Variants in CACNA2D2 observed in about 807,000 individuals in gnomAD.
The protein encoded by CACNA2D2 is calcium voltage-gated channel auxiliary subunit alpha2delta 2, also known as voltage-dependent calcium channel subunit alpha-2/delta-2.
In CACNA2D2, 48 loss-of-function variants were observed where a neutral mutation model predicts 166.4. The ratio of observed to expected loss-of-function variants is 0.29; its 90% CI spans 0.23 to 0.37. The LOEUF is 0.37. CACNA2D2 is among the 10% of genes least tolerant of loss of function. The pLI is 1.00. For synonymous variants in CACNA2D2, 561 were observed against 573.7 expected, an observed-to-expected ratio of 0.98 and a Z score of 0.32; for missense variants, 1,122 against 1,433.0, an observed-to-expected ratio of 0.78 and a Z score of 3.50.
At chr3:50,439,866 G>A (rs776895267) in intron 2 of CACNA2D2, among the ~76,000 whole-genome samples, 3 of 152,220 alleles carry the variant, frequency 2.0e-5, no homozygotes, top group African/African-American at 7.2e-5. Context: ...GTAGTGACCA[G>A]TTCAAGGACC....
chr3:50,371,259 G>C lies in CACNA2D2; in HGVS notation c.1985-879C>G, dbSNP rs1189247823. 1.3e-5 allele frequency among the ~76,000 whole-genome samples: 2 copies of C among 152,328 alleles called. 1 individual carries two copies. The highest frequency in any genetic ancestry group is 4.1e-4 in the South Asian group (2 of 4,826). On this transcript the variant is annotated intron_variant, in intron 22 of 37. Coordinates refer to ENST00000424201, the MANE Select transcript of CACNA2D2 (RefSeq NM_006030.4). Reference sequence around the variant, plus strand: ...CCATGGGGGATGCTAGGGCTCCAGAGAGGGCATAGGGCTGCTGTTGAGGCA... The same window carrying C: ...CCATGGGGGATGCTAGGGCTCCAGACAGGGCATAGGGCTGCTGTTGAGGCA...
At chr3:50,435,135 GT>G (rs1708251966) in intron 2 of CACNA2D2, among the ~76,000 whole-genome samples, 1 of 80,580 alleles carries the variant, frequency 1.2e-5, no homozygotes, top group African/African-American at 1.1e-4. Context: ...AAATCTGAGG[GT>G]GTGTGTGTGT....
chr3:50,390,641 T>C (rs1256398603), intron 4 of CACNA2D2, among the ~76,000 whole-genome samples: 1 of 152,180 alleles, frequency 6.6e-6, no homozygotes, highest in South Asian at 2.1e-4. Context: ...TCACCCACTC[T>C]GAGCTCACAC....
rs1704418449 is a variant in CACNA2D2 at position 50,367,785 on chromosome 3, T to C, written c.2234+27A>G. 1.2e-6 allele frequency: 2 copies of C among 1,612,410 alleles called. No individual in the cohort carries two copies. Among genetic ancestry groups the C allele is most frequent in the Non-Finnish European group, 8.5e-7 (1 of 1,178,812 alleles). On this transcript the variant is annotated intron_variant, in intron 25 of 37. Transcript: ENST00000424201. This position sits in a 1 kb window ranked among gnomAD's most constrained non-coding sequence, Gnocchi z 6.5. ...GGCCTCTGGGCCCATCCTAGCCTTC[T>C]GCCCCCACAGGCTGGGTGATGCCTA...
chr3:50,398,090 A>T (rs1346867978), intron 3 of CACNA2D2, among the ~76,000 whole-genome samples: 1 of 152,186 alleles, frequency 6.6e-6, no homozygotes, highest in Non-Finnish European at 1.5e-5. Context: ...AGGGGCAAGA[A>T]ACTGAGGCCC....
chr3:50,379,663 G>T lies in CACNA2D2; in HGVS notation c.993+62C>A. The stretch of plus-strand genomic sequence containing the variant: ...GCAGCTATTGCATGGGGCTGGTGAT[G>T]GTCACAGGAGCAGGGCAGATGGGGT... On this transcript the variant is annotated intron_variant, in intron 10 of 37. Coordinates refer to ENST00000424201, the MANE Select transcript of CACNA2D2 (RefSeq NM_006030.4). The surrounding 1 kb of genome is among the most constrained non-coding windows in gnomAD (Gnocchi z 6.5). 6.2e-7 allele frequency: 1 copy of T among 1,611,686 alleles called. No individual in the cohort carries two copies. Among genetic ancestry groups the T allele is most frequent in the African/African-American group, 1.3e-5 (1 of 74,990 alleles).
chr3:50,401,955 C>T (rs1001667462), intron 3 of CACNA2D2, among the ~76,000 whole-genome samples: 1 of 152,118 alleles, frequency 6.6e-6, no homozygotes, highest in Non-Finnish European at 1.5e-5. Flanking sequence ...TCAAGTCATC[C>T]GCCTGCCTTG....
At chr3:50,458,733 T>C (rs1343234263) in intron 2 of CACNA2D2, among the ~76,000 whole-genome samples, 4 of 152,130 alleles carry the variant, frequency 2.6e-5, no homozygotes, top group Non-Finnish European at 4.4e-5. Context: ...AGGAACAACA[T>C]TTTGGAAGCT....
At chr3:50,373,300 ATG>A (rs1365737147) in intron 22 of CACNA2D2, among the ~76,000 whole-genome samples, 8 of 150,954 alleles carry the variant, frequency 5.3e-5, no homozygotes, top group Non-Finnish European at 3.0e-5. Context: ...CTCAAAGGAG[ATG>A]AGCCCCCAGT....
At chr3:50,501,603 C>G (rs982126688) in intron 1 of CACNA2D2, among the ~76,000 whole-genome samples, 1 of 152,194 alleles carries the variant, frequency 6.6e-6, no homozygotes, top group Non-Finnish European at 1.5e-5. Context: ...CAGAAGCCAT[C>G]TGACCAACTG....
intron 2 of CACNA2D2, among the ~76,000 whole-genome samples, chr3:50,451,116 C>A (rs1709082429): frequency 6.6e-6 from 1 of 152,150 alleles, no homozygotes; most frequent in Admixed American, 6.5e-5. Flanking sequence ...TCACTTTTAT[C>A]CCTCCCACCA....
At position 50,363,980 on chromosome 3, in the gene CACNA2D2, C is replaced by A. The variant is rs1191784279; in HGVS notation, c.*686G>T. On this transcript the variant is annotated 3_prime_UTR_variant, in exon 38 of 38. Transcript: ENST00000424201. Reference sequence around the variant, plus strand: ...GTGTAAGGCTTTGTAAGCCCCTACACCCACCCCACCCCATAGTGTGTGTGT... The same window carrying A: ...GTGTAAGGCTTTGTAAGCCCCTACAACCACCCCACCCCATAGTGTGTGTGT... 6.6e-6 allele frequency: 1 copy of A among 152,436 alleles called. No individual in the cohort carries two copies. The highest frequency in any genetic ancestry group is 6.5e-5 in the Admixed American group (1 of 15,288). The allele number at this position is 152,436 out of a possible 1,614,324, so 9.4% of individuals were successfully genotyped here.
chr3:50,418,770 G>A (rs989228523), intron 3 of CACNA2D2, among the ~76,000 whole-genome samples: 3 of 152,258 alleles, frequency 2.0e-5, no homozygotes, highest in Non-Finnish European at 4.4e-5. Context: ...ATGGAGGAAT[G>A]CAGGGGTGGG....
At chr3:50,456,720 G>C (rs1346681491) in intron 2 of CACNA2D2, among the ~76,000 whole-genome samples, 1 of 152,128 alleles carries the variant, frequency 6.6e-6, no homozygotes, top group East Asian at 1.9e-4. Flanking sequence ...CTAACTGCCT[G>C]AACTAGGAAC....
intron 1 of CACNA2D2, among the ~76,000 whole-genome samples, chr3:50,495,383 G>A (rs1159702414): frequency 1.3e-5 from 2 of 152,180 alleles, no homozygotes; most frequent in Non-Finnish European, 2.9e-5. Flanking sequence ...ACAACACACA[G>A]GCGCGTCCTG....
chr3:50,364,603 G>C lies in CACNA2D2; in HGVS notation c.*63C>G. 1 of 1,445,718 alleles carries C rather than the reference G, an allele frequency of 6.9e-7. No individual in the cohort carries two copies. The highest frequency in any genetic ancestry group is 9.1e-7 in the Non-Finnish European group (1 of 1,098,020). 89.6% of individuals were successfully genotyped at this position (1,445,718 alleles called of 1,614,324 possible). A position where few individuals can be genotyped will look rare whatever the true frequency, so the allele number is the denominator to read the frequency against. ...GCTCTAAGGCGGGGAGTGTGGGGCA[G>C]GAGGGTGGGAAAGGCGAAGAGGCCG... On this transcript the variant is annotated 3_prime_UTR_variant, in exon 38 of 38. Coordinates refer to ENST00000424201, the MANE Select transcript of CACNA2D2 (RefSeq NM_006030.4).
intron 1 of CACNA2D2, among the ~76,000 whole-genome samples, chr3:50,484,915 G>A (rs913159387): frequency 7.9e-5 from 12 of 152,218 alleles, no homozygotes; most frequent in African/African-American, 2.9e-4. Context: ...AGGTGGGGTG[G>A]GCAGGGGGAG....
At chr3:50,428,391 A>G (rs185531791) in intron 3 of CACNA2D2, among the ~76,000 whole-genome samples, 2 of 152,120 alleles carry the variant, frequency 1.3e-5, no homozygotes, top group South Asian at 4.1e-4. Flanking sequence ...GCTGCCCCAC[A>G]GTCCCTGACT....
intron 1 of CACNA2D2, among the ~76,000 whole-genome samples, chr3:50,493,416 A>C (rs1348228879): frequency 6.6e-6 from 1 of 152,196 alleles, no homozygotes; most frequent in Non-Finnish European, 1.5e-5. Context: ...AACCCAGAGG[A>C]GACATCTCTT....
Sources: allele counts gnomAD v4.1 joint callset (sites outside exome capture counted in the v4.1 genomes callset), GRCh38; gene constraint gnomAD v4.1.1; non-coding constraint Gnocchi (gnomAD v3.1); transcripts MANE v1.5; gene names NCBI Gene and HGNC (gene_info 2026-07-23, HGNC 2026-07-21).